Variants in ANKRD28 observed in about 807,000 individuals in gnomAD.
The protein encoded by ANKRD28 is ankyrin repeat domain 28, also known as serine/threonine-protein phosphatase 6 regulatory ankyrin repeat subunit A.
Under a neutral mutation model 126.5 loss-of-function variants are expected in ANKRD28, and 44 were observed. That is an observed-to-expected ratio of 0.35 (90% confidence interval 0.27 to 0.45). The LOEUF is 0.45. ANKRD28 is among the 20% of genes least tolerant of loss of function. The pLI is 1.00. For synonymous variants in ANKRD28, 442 were observed against 468.5 expected, an observed-to-expected ratio of 0.94 and a Z score of 0.73; for missense variants, 1,110 against 1,316.6, an observed-to-expected ratio of 0.84 and a Z score of 2.43.
At chr3:15,856,113 G>A (rs1348929032) in intron 1 of ANKRD28, among the ~76,000 whole-genome samples, 1 of 152,018 alleles carries the variant, frequency 6.6e-6, no homozygotes, top group East Asian at 1.9e-4. Context: ...TGTTGTCAAC[G>A]GTAGCTACCG....
rs1370943103 is a variant in ANKRD28 at position 15,667,466 on chromosome 3, T to TAA, written c.*2802_*2803dup. ...TATTTCAGATGTCATCTTTTATGTA[T>TAA]AAGTTAAATAAAGCAAACAGGCTTT... On this transcript the variant is annotated 3_prime_UTR_variant, in exon 28 of 28. Coordinates refer to ENST00000683139, the MANE Select transcript of ANKRD28 (RefSeq NM_001349278.2). 1 of 152,236 alleles carries TAA rather than the reference T, an allele frequency of 6.6e-6. No individual in the cohort carries two copies. Among genetic ancestry groups the TAA allele is most frequent in the South Asian group, 2.1e-4 (1 of 4,836 alleles). The allele number at this position is 152,236 out of a possible 1,614,324, so 9.4% of individuals were successfully genotyped here.
intron 1 of ANKRD28, among the ~76,000 whole-genome samples, chr3:15,850,204 A>ATATATATATATATAT (rs1553650054): frequency 1.0e-3 from 55 of 54,806 alleles, no homozygotes; most frequent in Non-Finnish European, 1.4e-3. Context: ...AAAAAAAAAA[A>ATATATATATATATAT]ATATATATAT....
At chr3:15,679,889 C>T (rs975593868) in intron 21 of ANKRD28, among the ~76,000 whole-genome samples, 3 of 146,962 alleles carry the variant, frequency 2.0e-5, no homozygotes, top group Admixed American at 6.6e-5. Context: ...GTCATATACC[C>T]TAAATACAGC....
intron 1 of ANKRD28, among the ~76,000 whole-genome samples, chr3:15,819,962 C>T (rs1264085996): frequency 6.6e-6 from 1 of 152,122 alleles, no homozygotes; most frequent in Non-Finnish European, 1.5e-5. Context: ...ATTTCCTTCC[C>T]TCAAAGGCAA....
At chr3:15,796,366 C>T (rs747565001) in intron 1 of ANKRD28, 39 bp downstream of exon 1, 9 of 1,164,352 alleles carry the variant, frequency 7.7e-6, no homozygotes, top group Non-Finnish European at 1.0e-5. Flanking sequence ...ACTACTAGTT[C>T]AGTAGAATAT....
Position 15,797,218 on chromosome 3 carries a change from A to T in ANKRD28, c.-697T>A. 6 of 985,188 alleles carry T rather than the reference A, an allele frequency of 6.1e-6. No homozygotes were observed. The highest frequency in any genetic ancestry group is 7.2e-6 in the Non-Finnish European group (6 of 829,848). 61.0% of individuals were successfully genotyped at this position (985,188 alleles called of 1,614,324 possible). On this transcript the variant is annotated 5_prime_UTR_variant, in exon 1 of 28. Transcript: ENST00000683139. The stretch of plus-strand genomic sequence containing the variant: ...GGGCAAAAAACAAAAACAAAAAAAA[A>T]AAAACCACTCTGCATTAATAGCAAA...
chr3:15,676,868 T>C lies in ANKRD28; in HGVS notation c.2873+106A>G, dbSNP rs1240235925. Reference sequence around the variant, plus strand: ...GTTGTAAAACTATTAAAATTGCTTCTATGACTAATGAAACCTATTCCAATA... The same window carrying C: ...GTTGTAAAACTATTAAAATTGCTTCCATGACTAATGAAACCTATTCCAATA... On this transcript the variant is annotated intron_variant, in intron 26 of 27. Coordinates refer to ENST00000683139, the MANE Select transcript of ANKRD28 (RefSeq NM_001349278.2). The C allele has an allele frequency of 1.5e-5, 13 of 845,916 alleles. No homozygotes were observed. The East Asian group carries it at 2.4e-4, about 15-fold the overall frequency. 52.4% of individuals were successfully genotyped at this position (845,916 alleles called of 1,614,324 possible).
intron 4 of ANKRD28, among the ~76,000 whole-genome samples, chr3:15,747,882 A>G (rs1324244334): frequency 6.6e-6 from 1 of 152,142 alleles, no homozygotes; most frequent in African/African-American, 2.4e-5. Flanking sequence ...CAGTGTTAGG[A>G]GCATACATAT....
chr3:15,716,478 G>A (rs763477287), intron 8 of ANKRD28, among the ~76,000 whole-genome samples: 27 of 151,400 alleles, frequency 1.8e-4, no homozygotes, highest in Non-Finnish European at 1.5e-5. Flanking sequence ...TGTAGAGATG[G>A]TCTCTAAGTT....
rs1477965469 is a variant in ANKRD28, at chr3:15,816,909, G to T, written c.28-21603C>A. The stretch of plus-strand genomic sequence containing the variant: ...AAAACCCATCTCTATTAAAAAAGAG[G>T]AGGGAGGTAGCCACAGTGGCTCATG... On this transcript the variant is annotated intron_variant, in intron 1 of 27. Transcript: ENST00000399451. The surrounding 1 kb of genome is among the most constrained non-coding windows in gnomAD (Gnocchi z 5.0). Among the ~76,000 whole-genome samples the T allele has an allele frequency of 9.9e-5, 15 of 152,092 alleles. No homozygotes were observed. Among genetic ancestry groups the T allele is most frequent in the Admixed American group, 9.2e-4 (14 of 15,276 alleles).
In ANKRD28 at chr3:15,846,689, A is replaced by C. The variant is rs2061538983; in HGVS notation, c.27+12688T>G. 6.6e-6 allele frequency among the ~76,000 whole-genome samples: 1 copy of C among 152,226 alleles called. No homozygotes were observed. The highest frequency in any genetic ancestry group is 1.5e-5 in the Non-Finnish European group (1 of 68,022). ...TAACAGAATAGGTTATTTTTATTTC[A>C]TGCTCACATAAAGTCAAAAAATCTA... On this transcript the variant is annotated intron_variant, in intron 1 of 27. Coordinates refer to the ANKRD28 transcript ENST00000399451. This position sits in a 1 kb window ranked among gnomAD's most constrained non-coding sequence, Gnocchi z 5.4.
chr3:15,842,350 T>C (rs1349166331), intron 1 of ANKRD28, among the ~76,000 whole-genome samples: 1 of 149,628 alleles, frequency 6.7e-6, no homozygotes, highest in Middle Eastern at 3.4e-3. Context: ...AGCTAAAAAT[T>C]AAAACAATTG....
chr3:15,838,014 A>C lies in ANKRD28; in HGVS notation c.27+21363T>G, dbSNP rs1270404007. 3.3e-5 allele frequency among the ~76,000 whole-genome samples: 5 copies of C among 152,160 alleles called. No individual in the cohort carries two copies. Among genetic ancestry groups the C allele is most frequent in the Non-Finnish European group, 1.5e-5 (1 of 68,038 alleles). On this transcript the variant is annotated intron_variant, in intron 1 of 27. Coordinates refer to the ANKRD28 transcript ENST00000399451. This position sits in a 1 kb window ranked among gnomAD's most constrained non-coding sequence, Gnocchi z 4.0. The stretch of plus-strand genomic sequence containing the variant: ...GGGAATATTATGAACAACTGTATAC[A>C]AACAAATGTAAACAACTTAGAAAAA...
chr3:15,671,206 C>T lies in ANKRD28; in HGVS notation c.2966-650G>A, dbSNP rs555865347. On this transcript the variant is annotated intron_variant, in intron 27 of 27. Transcript: ENST00000683139. The stretch of plus-strand genomic sequence containing the variant: ...CAAATATTTCCTTTGTAAATATTCC[C>T]TTTTTTTAAGCGGAAGACAACTGAC... Among the ~76,000 whole-genome samples the T allele has an allele frequency of 7.9e-5, 12 of 152,178 alleles. No individual in the cohort carries two copies. In the East Asian group the frequency reaches 2.1e-3, roughly 27 times the overall value.
chr3:15,676,641 T>C (rs2066968449), intron 26 of ANKRD28: 1 of 208,690 alleles, frequency 4.8e-6, no homozygotes, highest in Non-Finnish European at 9.7e-6. Flanking sequence ...TCTTACCTCA[T>C]TTATTGTTAG....
At chr3:15,690,708 G>A (rs1349703000) in intron 17 of ANKRD28, among the ~76,000 whole-genome samples, 1 of 152,132 alleles carries the variant, frequency 6.6e-6, no homozygotes, top group Admixed American at 6.5e-5. Context: ...GGGACCAGAG[G>A]TACACGTCAC....
Position 15,853,318 on chromosome 3 carries a change from A to G in ANKRD28, c.27+6059T>C, listed in dbSNP as rs1165054707. Among the ~76,000 whole-genome samples, 6 of 152,208 alleles carry G rather than the reference A, an allele frequency of 3.9e-5. No individual in the cohort carries two copies. The highest frequency in any genetic ancestry group is 8.8e-5 in the Non-Finnish European group (6 of 68,038). On this transcript the variant is annotated intron_variant, in intron 1 of 27. Coordinates refer to the ANKRD28 transcript ENST00000399451. This position sits in a 1 kb window ranked among gnomAD's most constrained non-coding sequence, Gnocchi z 4.2. ...GTATTTTCCATGGGCATCTCACCCCAGTCCAGAATGAGTACATTCACTGAA... is the reference window on the plus strand; with the variant it reads ...GTATTTTCCATGGGCATCTCACCCCGGTCCAGAATGAGTACATTCACTGAA...
At chr3:15,847,116 T>C (rs767107093) in intron 1 of ANKRD28, among the ~76,000 whole-genome samples, 7 of 152,168 alleles carry the variant, frequency 4.6e-5, no homozygotes, top group Non-Finnish European at 2.9e-5. Context: ...CCAAAGAATA[T>C]GTATTTAAGC....
In ANKRD28 at chr3:15,685,300, G is replaced by C; in HGVS notation, c.2315C>G (p.Ala772Gly). The C allele has an allele frequency of 6.2e-7, 1 of 1,614,000 alleles. No individual in the cohort carries two copies. Among genetic ancestry groups the C allele is most frequent in the Non-Finnish European group, 8.5e-7 (1 of 1,179,880 alleles). Residue 772 changes from alanine to glycine, a missense_variant, in exon 21 of 28, where the codon GCA becomes GGA. Coordinates refer to ENST00000683139, the MANE Select transcript of ANKRD28 (RefSeq NM_001349278.2). ...IGVLGALLQS[A>G]ASMDANPATA... The stretch of plus-strand genomic sequence containing the variant: ...GGCTGGATTTGCATCCATAGATGCT[G>C]CTGACTGCAAAAGGGCTCCAAGAAC...
Sources: allele counts gnomAD v4.1 joint callset (sites outside exome capture counted in the v4.1 genomes callset), GRCh38; gene constraint gnomAD v4.1.1; non-coding constraint Gnocchi (gnomAD v3.1); transcripts MANE v1.5; gene names NCBI Gene and HGNC (gene_info 2026-07-23, HGNC 2026-07-21).